Variants in RAP1GAP2 observed in about 807,000 individuals in gnomAD.
The protein encoded by RAP1GAP2 is rap1 GTPase-activating protein 2.
Under a neutral mutation model 95.0 loss-of-function variants are expected in RAP1GAP2, and 27 were observed. The ratio of observed to expected loss-of-function variants is 0.28; its 90% CI spans 0.21 to 0.39. The LOEUF is 0.39. RAP1GAP2 is among the 10% of genes least tolerant of loss of function. The pLI is 1.00. For missense variants in RAP1GAP2, 771 were observed against 970.0 expected, an observed-to-expected ratio of 0.79 and a Z score of 2.72; for synonymous variants, 373 against 380.9, an observed-to-expected ratio of 0.98 and a Z score of 0.24.
chr17:3,017,941 G>T lies in RAP1GAP2; in HGVS notation c.1495-120G>T, dbSNP rs1007728041. ...CGTGTGTGTGTGTGTGTGTGTGTGT[G>T]TGTGTGTATGTGTGCACGCATACGT... On this transcript the variant is annotated intron_variant, in intron 17 of 24. Coordinates refer to ENST00000254695, the MANE Select transcript of RAP1GAP2 (RefSeq NM_015085.5). 7.1e-5 allele frequency: 58 copies of T among 817,982 alleles called. No individual in the cohort carries two copies. In the Admixed American group the frequency reaches 1.1e-3, roughly 15 times the overall value. 50.7% of individuals were successfully genotyped at this position (817,982 alleles called of 1,614,324 possible).
chr17:2,850,246 C>T (rs1428690572), intron 2 of RAP1GAP2, among the ~76,000 whole-genome samples: 8 of 150,796 alleles, frequency 5.3e-5, no homozygotes, highest in South Asian at 2.1e-4. Flanking sequence ...ATGATCCGCC[C>T]GCCTCGGCCT....
At position 2,963,393 on chromosome 17, in the gene RAP1GAP2, C is replaced by G. The variant is rs371534217; in HGVS notation, c.247-37C>G. 1 of 1,613,530 alleles carries G rather than the reference C, an allele frequency of 6.2e-7. No individual in the cohort carries two copies. The highest frequency in any genetic ancestry group is 1.7e-5 in the Admixed American group (1 of 59,998). On this transcript the variant is annotated intron_variant, in intron 5 of 24. Coordinates refer to ENST00000254695, the MANE Select transcript of RAP1GAP2 (RefSeq NM_015085.5). The surrounding 1 kb of genome is among the most constrained non-coding windows in gnomAD (Gnocchi z 4.8). Reference sequence around the variant, plus strand: ...AGTGGTCAGACTTTACGGGCACTGCCGGGACTAACGGTGGCATCATCTGGT... The same window carrying G: ...AGTGGTCAGACTTTACGGGCACTGCGGGGACTAACGGTGGCATCATCTGGT...
intron 2 of RAP1GAP2, among the ~76,000 whole-genome samples, chr17:2,900,927 G>A (rs1258140024): frequency 2.0e-5 from 3 of 152,158 alleles, no homozygotes; most frequent in Non-Finnish European, 2.9e-5. Flanking sequence ...GAGACATGAC[G>A]GTTGCAGTGA....
chr17:2,765,279 G>A (rs185574910), intron 1 of RAP1GAP2, among the ~76,000 whole-genome samples: 1 of 152,278 alleles, frequency 6.6e-6, no homozygotes, highest in African/African-American at 2.4e-5. Context: ...GTCCAGCCCA[G>A]CACCAGGTCC....
intron 2 of RAP1GAP2, among the ~76,000 whole-genome samples, chr17:2,832,347 A>G (rs1026881194): frequency 2.2e-4 from 34 of 151,218 alleles, no homozygotes; most frequent in Non-Finnish European, 3.1e-4. Flanking sequence ...TCACGAGGTC[A>G]GGAGATCGAG....
chr17:2,793,295 A>G (rs578097203), upstream of RAP1GAP2, among the ~76,000 whole-genome samples: 588 of 152,204 alleles, frequency 3.9e-3, 2 homozygotes, highest in South Asian at 8.3e-3. Flanking sequence ...CTGGGAATAC[A>G]GGCATGTGCC....
chr17:2,763,887 T>G (rs1396646541), intron 1 of RAP1GAP2, among the ~76,000 whole-genome samples: 1 of 151,720 alleles, frequency 6.6e-6, no homozygotes, highest in Non-Finnish European at 1.5e-5. Flanking sequence ...GGCTCCTGAG[T>G]GAGCCTGCTC....
At chr17:3,020,629 T>G in intron 19 of RAP1GAP2, 34 bp downstream of exon 19, 1 of 1,576,900 alleles carries the variant, frequency 6.3e-7, no homozygotes. Context: ...CCAGCCTGAC[T>G]TGCGGGGTCT....
chr17:2,916,756 G>A (rs1353966478), intron 3 of RAP1GAP2, among the ~76,000 whole-genome samples: 1 of 152,188 alleles, frequency 6.6e-6, no homozygotes, highest in East Asian at 1.9e-4. Context: ...CGATGGTGGC[G>A]ATGACAACCA....
chr17:2,906,152 G>A lies in RAP1GAP2; in HGVS notation c.165+784G>A, dbSNP rs928870441. The stretch of plus-strand genomic sequence containing the variant: ...GGAGTGAGTGAGGACTAGTGCTGAA[G>A]AAGTCACCTGCCTCCTGAGTCATCT... On this transcript the variant is annotated intron_variant, in intron 3 of 24. Transcript: ENST00000254695. This position sits in a 1 kb window ranked among gnomAD's most constrained non-coding sequence, Gnocchi z 4.3. Among the ~76,000 whole-genome samples, 7 of 151,808 alleles carry A rather than the reference G, an allele frequency of 4.6e-5. No individual in the cohort carries two copies. Among genetic ancestry groups the A allele is most frequent in the Non-Finnish European group, 8.8e-5 (6 of 67,956 alleles).
At chr17:2,959,865 C>T (rs2044246007) in intron 4 of RAP1GAP2, among the ~76,000 whole-genome samples, 1 of 152,144 alleles carries the variant, frequency 6.6e-6, no homozygotes, top group South Asian at 2.1e-4. Context: ...GTGTCTCACA[C>T]CTGTCATCCC....
chr17:2,826,601 G>T (rs1404872587), intron 2 of RAP1GAP2, among the ~76,000 whole-genome samples: 1 of 151,976 alleles, frequency 6.6e-6, no homozygotes, highest in East Asian at 1.9e-4. Context: ...CTGTGCTCCT[G>T]AGGAGGGGTG....
chr17:2,850,718 C>T, intron 2 of RAP1GAP2, among the ~76,000 whole-genome samples: 1 of 145,066 alleles, frequency 6.9e-6, no homozygotes. Context: ...CCACTGCACT[C>T]CAGCCTGAGG....
chr17:2,899,442 A>T (rs1159602229), intron 2 of RAP1GAP2, among the ~76,000 whole-genome samples: 1 of 151,794 alleles, frequency 6.6e-6, no homozygotes, highest in Non-Finnish European at 1.5e-5. Context: ...CGATCTCCTG[A>T]CCTCGTGATC....
rs2047507982 is a variant in RAP1GAP2, at chr17:3,037,568, T to A, written c.*4207T>A. ...TCTTTCCTCTTAGTGAGGAGGTGAT[T>A]CGTAGATCCCAACTGCCTATGTAAT... On this transcript the variant is annotated 3_prime_UTR_variant, in exon 25 of 25. Transcript: ENST00000254695. 2 of 152,418 alleles carry A rather than the reference T, an allele frequency of 1.3e-5. No homozygotes were observed. The highest frequency in any genetic ancestry group is 2.9e-5 in the Non-Finnish European group (2 of 67,992). 9.4% of individuals were successfully genotyped at this position (152,418 alleles called of 1,614,324 possible). A position where few individuals can be genotyped will look rare whatever the true frequency, so the allele number is the denominator to read the frequency against.
chr17:2,936,061 C>T (rs972424729), intron 3 of RAP1GAP2, among the ~76,000 whole-genome samples: 1 of 151,514 alleles, frequency 6.6e-6, no homozygotes, highest in Non-Finnish European at 1.5e-5. Context: ...GCCATCTCCT[C>T]TCCCTGTCTC....
At chr17:2,946,514 G>C (rs1233828976) in intron 3 of RAP1GAP2, among the ~76,000 whole-genome samples, 1 of 152,118 alleles carries the variant, frequency 6.6e-6, no homozygotes, top group Non-Finnish European at 1.5e-5. Flanking sequence ...TTCTAGTCCT[G>C]TCTTAGAATT....
rs1332538313 is a variant in RAP1GAP2 at position 2,987,580 on chromosome 17, C to T, written c.813+2514C>T. Among the ~76,000 whole-genome samples the T allele has an allele frequency of 5.9e-5, 9 of 152,004 alleles. No homozygotes were observed. The East Asian group carries it at 7.7e-4, about 13-fold the overall frequency. Reference sequence around the variant, plus strand: ...TTCACCGTGTTGGTCAGGCTGGTCTCGAACTCCCGACCTCAGGTGATCCGC... The same window carrying T: ...TTCACCGTGTTGGTCAGGCTGGTCTTGAACTCCCGACCTCAGGTGATCCGC... On this transcript the variant is annotated intron_variant, in intron 11 of 24. Transcript: ENST00000254695.
rs1288984145 is a variant in RAP1GAP2 at position 2,825,793 on chromosome 17, TC to T, written c.80+25244del. ...GGTCTGGTGCCCGCATCCAAGGAAC[TC>T]ACAGTCTCTGGAGGAAACAGACATT... is the stretch of plus-strand genomic sequence containing the variant. On this transcript the variant is annotated intron_variant, in intron 2 of 24. Coordinates refer to ENST00000254695, the MANE Select transcript of RAP1GAP2 (RefSeq NM_015085.5). The surrounding 1 kb of genome is among the most constrained non-coding windows in gnomAD (Gnocchi z 4.1). 1.3e-5 allele frequency among the ~76,000 whole-genome samples: 2 copies of T among 152,004 alleles called. No individual in the cohort carries two copies. The highest frequency in any genetic ancestry group is 2.9e-5 in the Non-Finnish European group (2 of 68,014).
Sources: allele counts gnomAD v4.1 joint callset (sites outside exome capture counted in the v4.1 genomes callset), GRCh38; gene constraint gnomAD v4.1.1; non-coding constraint Gnocchi (gnomAD v3.1); transcripts MANE v1.5; gene names NCBI Gene and HGNC (gene_info 2026-07-23, HGNC 2026-07-21).